Variants in RIN3 observed in about 807,000 individuals in gnomAD.
RIN3 encodes the protein Ras and Rab interactor 3, also known as RAB5 interacting protein 3.
Under a neutral mutation model 76.3 loss-of-function variants are expected in RIN3, and 54 were observed. That is an observed-to-expected ratio of 0.71 (90% CI 0.57 to 0.89). The LOEUF (loss-of-function observed/expected upper bound fraction) is 0.89, where lower values mean the gene tolerates loss of function less well. Among genes scored for constraint, RIN3 ranks in the 40% least tolerant of loss-of-function variants. RIN3 has a pLI of 0.00. For synonymous variants in RIN3, 576 were observed against 564.0 expected (o/e 1.02, Z -0.30); for missense variants, 1,256 against 1,322.1 (o/e 0.95, Z 0.78).
chr14:92,524,451 A>C (rs1478498714), intron 1 of RIN3, among the ~76,000 whole-genome samples: 1 of 152,132 alleles, frequency 6.6e-6, no homozygotes, highest in Non-Finnish European at 1.5e-5. Context: ...CTGGACTTGA[A>C]TTCCCCTTTC....
chr14:92,517,937 G>T (rs778132339), intron 1 of RIN3, among the ~76,000 whole-genome samples: 2 of 152,158 alleles, frequency 1.3e-5, no homozygotes, highest in African/African-American at 4.8e-5. Flanking sequence ...TATTTAAAAG[G>T]TCCCTCAAGA....
At position 92,598,262 on chromosome 14, in the gene RIN3, C is replaced by T. The variant is rs558984675; in HGVS notation, c.368-17145C>T. ...GAGGGAGAGAGGCCCAAGAGGAAGA[C>T]AGGCCTGGGTGAATCCAGCCTTCCA... On this transcript the variant is annotated intron_variant, in intron 3 of 9. Transcript: ENST00000216487. Among the ~76,000 whole-genome samples, 24 of 152,242 alleles carry T rather than the reference C, an allele frequency of 1.6e-4. No homozygotes were observed. In the South Asian group the frequency reaches 4.6e-3, roughly 29 times the overall value.
chr14:92,566,986 G>C (rs1897931331), intron 2 of RIN3, among the ~76,000 whole-genome samples: 1 of 152,192 alleles, frequency 6.6e-6, no homozygotes, highest in Admixed American at 6.5e-5. Flanking sequence ...CCAGTGGGTT[G>C]GTTGGGCTAG....
chr14:92,685,117 C>A lies in RIN3; in HGVS notation c.2598C>A (p.Leu866=), dbSNP rs776524782. ...SIHRWERRRT[L]NKARASRSSV... is the part of the protein sequence containing the mutation. ...ACCGCTGGGAGCGCCGGCGTACTCTCAACAAGGCCCGGGCCTCCCGCTCCT... is the reference window on the plus strand; with the variant it reads ...ACCGCTGGGAGCGCCGGCGTACTCTAAACAAGGCCCGGGCCTCCCGCTCCT... The change falls in exon 9 of 10, where the codon CTC becomes CTA. Residue 866 remains leucine (L), a synonymous_variant. Coordinates refer to ENST00000216487, the MANE Select transcript of RIN3 (RefSeq NM_024832.5). This position sits in a 1 kb window ranked among gnomAD's most constrained non-coding sequence, Gnocchi z 4.7. The A allele has an allele frequency of 2.5e-6, 4 of 1,613,128 alleles. No individual in the cohort carries two copies. The African/African-American group carries it at 5.3e-5, about 22-fold the overall frequency.
chr14:92,602,186 T>G lies in RIN3; in HGVS notation c.368-13221T>G, dbSNP rs74525960. ...TGGAAGCTTCGTCCAGGGCCAGAGC[T>G]GGGCCTGTAAATAAATCATGATGTG... On this transcript the variant is annotated intron_variant, in intron 3 of 9. Coordinates refer to ENST00000216487, the MANE Select transcript of RIN3 (RefSeq NM_024832.5). Among the ~76,000 whole-genome samples the G allele has an allele frequency of 3.4e-3, 523 of 152,318 alleles. 13 individuals are homozygous for G. The South Asian group carries it at 0.044, about 13-fold the overall frequency.
rs543072205 is a variant in RIN3 at position 92,568,135 on chromosome 14, G to C, written c.250-9225G>C. On this transcript the variant is annotated intron_variant, in intron 2 of 9. Transcript: ENST00000216487. The surrounding 1 kb of genome is among the most constrained non-coding windows in gnomAD (Gnocchi z 4.2). ...TGTGTCTCTAAATAGCTGGCTGCAG[G>C]GGGGCAGAAAGGGAGAAGTAAGGTG... Among the ~76,000 whole-genome samples the C allele has an allele frequency of 5.3e-5, 8 of 152,248 alleles. No individual in the cohort carries two copies. In the East Asian group the frequency reaches 5.8e-4, roughly 11 times the overall value.
chr14:92,608,910 T>C (rs1336895489), intron 3 of RIN3, among the ~76,000 whole-genome samples: 1 of 152,124 alleles, frequency 6.6e-6, no homozygotes, highest in Non-Finnish European at 1.5e-5. Flanking sequence ...TTTATTTTAA[T>C]TTGGGGGTAC....
chr14:92,599,121 G>A (rs886092506), intron 3 of RIN3, among the ~76,000 whole-genome samples: 1 of 152,194 alleles, frequency 6.6e-6, no homozygotes, highest in Non-Finnish European at 1.5e-5. Flanking sequence ...CCACTCGCAG[G>A]GCAATGTGCA....
intron 1 of RIN3, among the ~76,000 whole-genome samples, chr14:92,543,303 A>G (rs1291235261): frequency 1.3e-5 from 2 of 152,184 alleles, no homozygotes; most frequent in Admixed American, 1.3e-4. Context: ...ATGTAGAAAA[A>G]GCAACAAGAG....
intron 1 of RIN3, among the ~76,000 whole-genome samples, chr14:92,544,142 T>A (rs1003510480): frequency 6.6e-5 from 10 of 152,022 alleles, no homozygotes; most frequent in African/African-American, 2.4e-4. Flanking sequence ...TCTCCCTGCT[T>A]TACACAAGAG....
At chr14:92,518,590 A>G (rs957870903) in intron 1 of RIN3, among the ~76,000 whole-genome samples, 1 of 152,044 alleles carries the variant, frequency 6.6e-6, no homozygotes, top group Non-Finnish European at 1.5e-5. Context: ...CAACTCCCCT[A>G]ATTTTATCCT....
chr14:92,546,085 C>G (rs915309620), intron 1 of RIN3, among the ~76,000 whole-genome samples: 2 of 152,066 alleles, frequency 1.3e-5, no homozygotes, highest in African/African-American at 4.8e-5. Flanking sequence ...GCCACCACAT[C>G]TGGTAATTTT....
At chr14:92,664,905 C>T (rs949353329) in intron 7 of RIN3, among the ~76,000 whole-genome samples, 1 of 152,104 alleles carries the variant, frequency 6.6e-6, no homozygotes, top group African/African-American at 2.4e-5. Context: ...CTAATAAGGT[C>T]CTTTTTAGAA....
Position 92,652,570 on chromosome 14 carries a change from G to T in RIN3, c.1521G>T (p.Gln507His). ...GAGAGGGCCAAAGCCCTGCTTCTCAGGCTGGGACTCAGCACCCTCCTGCCC... is the reference window on the plus strand; with the variant it reads ...GAGAGGGCCAAAGCCCTGCTTCTCATGCTGGGACTCAGCACCCTCCTGCCC... ...PPREGQSPAS[Q>H]AGTQHPPAQA... The change falls in exon 6 of 10, where the codon CAG (glutamine) becomes CAT (histidine). Residue 507 changes from glutamine to histidine, a missense_variant. Physicochemically the swap from Gln to His is conservative, Grantham distance 24. This residue lies in a region of RIN3 where 428 missense variants were observed against 521.2 expected (regional missense o/e 0.82). Coordinates refer to ENST00000216487, the MANE Select transcript of RIN3 (RefSeq NM_024832.5). The surrounding 1 kb of genome is among the most constrained non-coding windows in gnomAD (Gnocchi z 6.4). The T allele has an allele frequency of 6.2e-7, 1 of 1,612,770 alleles. No homozygotes were observed.
chr14:92,527,899 A>G (rs911166742), intron 1 of RIN3, among the ~76,000 whole-genome samples: 1 of 152,136 alleles, frequency 6.6e-6, no homozygotes, highest in African/African-American at 2.4e-5. Flanking sequence ...TTCCCCGCTC[A>G]GGCCTGTTTG....
intron 7 of RIN3, among the ~76,000 whole-genome samples, chr14:92,669,318 G>C (rs1212060105): frequency 6.6e-6 from 1 of 152,182 alleles, no homozygotes; most frequent in African/African-American, 2.4e-5. Flanking sequence ...ATAAAGCAGG[G>C]TAGGGGGTCT....
intron 3 of RIN3, among the ~76,000 whole-genome samples, chr14:92,581,342 G>A (rs529579842): frequency 2.3e-4 from 35 of 152,250 alleles, no homozygotes; most frequent in African/African-American, 8.2e-4. Flanking sequence ...TCAGAGACTC[G>A]GCTGCCACCT....
intron 1 of RIN3, among the ~76,000 whole-genome samples, chr14:92,543,618 CTTTTTTTTTTTT>C (rs3033757): frequency 1.1e-3 from 95 of 84,886 alleles, no homozygotes; most frequent in African/African-American, 4.5e-3. Flanking sequence ...AAGGCTTTTG[CTTTTTTTTTTTT>C]TTTTTTTTTT....
rs954135793 is a variant in RIN3, at chr14:92,547,067, T to A, written c.45-8684T>A. ...TTTATTATAATAAAATAAATTATAT[T>A]TTATTTTATATTATATTATATTATA... On this transcript the variant is annotated intron_variant, in intron 1 of 9. Coordinates refer to ENST00000216487, the MANE Select transcript of RIN3 (RefSeq NM_024832.5). Among the ~76,000 whole-genome samples the A allele has an allele frequency of 1.2e-3, 85 of 73,664 alleles. 23 individuals carry two copies. The highest frequency in any genetic ancestry group is 3.1e-3 in the South Asian group (7 of 2,250). The allele number at this position is 73,664 out of a possible 152,430, so 48.3% of individuals were successfully genotyped here.
Sources: allele counts gnomAD v4.1 joint callset (sites outside exome capture counted in the v4.1 genomes callset), GRCh38; gene constraint gnomAD v4.1.1; regional missense constraint gnomAD v4.1.1; non-coding constraint Gnocchi (gnomAD v3.1); transcripts MANE v1.5; gene names NCBI Gene and HGNC (gene_info 2026-07-23, HGNC 2026-07-21).